The following COL28A1 variants were observed in gnomAD, a reference collection of about 807,000 sequenced individuals.
COL28A1 encodes the protein collagen alpha-1(XXVIII) chain.
Under a neutral mutation model 150.2 loss-of-function variants are expected in COL28A1, and 161 were observed. The observed-to-expected ratio is 1.07, with a 90% CI of 0.94 to 1.22. The LOEUF (loss-of-function observed/expected upper bound fraction) is 1.22. Ranked by LOEUF, COL28A1 falls within the 50% of genes most tolerant of loss-of-function variation. The probability of loss-of-function intolerance (pLI) is 0.00; values close to 1 mark genes in which losing one functional copy is unlikely to be tolerated. For missense variants in COL28A1, 1,617 were observed against 1,388.3 expected, an observed-to-expected ratio of 1.16 and a Z score of -2.62; for synonymous variants, 552 against 469.7, an observed-to-expected ratio of 1.18 and a Z score of -2.26.
chr7:7,513,380 A>G (rs6953055), intron 8 of COL28A1, among the ~76,000 whole-genome samples: 507 of 152,336 alleles, frequency 3.3e-3, no homozygotes, highest in Non-Finnish European at 6.0e-3. Context: ...CATAGGCTGC[A>G]AGTCACTTTC....
At chr7:7,471,710 C>G (rs1788445795) in intron 15 of COL28A1, among the ~76,000 whole-genome samples, 1 of 152,128 alleles carries the variant, frequency 6.6e-6, no homozygotes, top group Admixed American at 6.5e-5. Flanking sequence ...GCCTGGTCAA[C>G]ATGATGAAAC....
At chr7:7,362,565 C>T (rs562335007) in intron 33 of COL28A1, among the ~76,000 whole-genome samples, 20 of 151,966 alleles carry the variant, frequency 1.3e-4, no homozygotes, top group South Asian at 8.3e-4. Flanking sequence ...CTCATGTATG[C>T]GTATTTTTTA....
At chr7:7,376,065 T>C (rs1279533714) in intron 30 of COL28A1, among the ~76,000 whole-genome samples, 1 of 152,184 alleles carries the variant, frequency 6.6e-6, no homozygotes, top group African/African-American at 2.4e-5. Context: ...CCCATGTTCC[T>C]GAACGCCCTT....
intron 14 of COL28A1, among the ~76,000 whole-genome samples, chr7:7,475,801 G>A (rs2128352811): frequency 6.6e-6 from 1 of 152,294 alleles, no homozygotes; most frequent in Non-Finnish European, 1.5e-5. Flanking sequence ...TTTCGGTGAT[G>A]TCATGCCAAG....
chr7:7,517,796 C>T lies in COL28A1; in HGVS notation c.855G>A (p.Gly285=), dbSNP rs773259546. 9.9e-6 allele frequency: 16 copies of T among 1,613,482 alleles called. No homozygotes were observed. The highest frequency in any genetic ancestry group is 1.7e-5 in the Admixed American group (1 of 59,976). Residue 285 remains glycine, a splice_region_variant and synonymous_variant, in exon 7 of 35, where the codon GGG becomes GGA. Transcript: ENST00000399429. ...QKGEAGERGP[G]GIPGYKGDKG... The stretch of plus-strand genomic sequence containing the variant: ...GAAGGCATTCCAGTTGTGTACATAC[C>T]CCTGGACCTCTTTCTCCAGCTTCTC...
At chr7:7,442,193 T>C (rs1352418459) in intron 20 of COL28A1, among the ~76,000 whole-genome samples, 1 of 152,224 alleles carries the variant, frequency 6.6e-6, no homozygotes, top group Non-Finnish European at 1.5e-5. Context: ...ACATTCTTCT[T>C]GCCTTATTGG....
intron 6 of COL28A1, 54 bp from the exon 7 acceptor site, chr7:7,517,891 G>C (rs1781505404): frequency 9.3e-6 from 15 of 1,605,252 alleles, no homozygotes; most frequent in Non-Finnish European, 1.1e-5. Context: ...GTGACTGATT[G>C]CTCAATAAAA....
chr7:7,447,587 T>A (rs1176879764), intron 18 of COL28A1, among the ~76,000 whole-genome samples: 1 of 152,056 alleles, frequency 6.6e-6, no homozygotes, highest in Non-Finnish European at 1.5e-5. Flanking sequence ...ATTATGACTA[T>A]ACTCCATACA....
intron 32 of COL28A1, among the ~76,000 whole-genome samples, chr7:7,371,572 A>T (rs1256823738): frequency 6.6e-6 from 1 of 152,246 alleles, no homozygotes; most frequent in African/African-American, 2.4e-5. Context: ...AGGTGGGTGA[A>T]GGAGGAAGGA....
chr7:7,381,686 C>T, intron 27 of COL28A1, 74 bp from the exon 28 acceptor site: 1 of 987,468 alleles, frequency 1.0e-6, no homozygotes, highest in Non-Finnish European at 1.6e-6. Context: ...GTCAGAAACA[C>T]ACTTACGGTT....
intron 13 of COL28A1, among the ~76,000 whole-genome samples, chr7:7,479,629 A>T (rs1321226029): frequency 6.6e-6 from 1 of 152,232 alleles, no homozygotes; most frequent in Non-Finnish European, 1.5e-5. Context: ...TTATATGCAA[A>T]TTGAAATCTT....
In COL28A1 at chr7:7,370,852, A is replaced by T. The variant is rs1381964248; in HGVS notation, c.2939T>A (p.Ile980Asn). 3 of 1,612,370 alleles carry T rather than the reference A, an allele frequency of 1.9e-6. No individual in the cohort carries two copies. In the South Asian group the frequency reaches 3.3e-5, roughly 18 times the overall value. Residue 980 changes from isoleucine to asparagine, a missense_variant, in exon 33 of 35, where the codon ATT (isoleucine) becomes AAT (asparagine). By Grantham distance (149) the Ile-to-Asn change is moderately radical. Coordinates refer to ENST00000399429, the MANE Select transcript of COL28A1 (RefSeq NM_001037763.3). ...GAGATAGGAATCAAAATCCTCACAA[A>T]TTTTTTGAAACAATTTTTGCTTCAG... ...DTLKQKLFQK[I>N]CEDFDSYLVQ...
chr7:7,422,683 G>A (rs1784440340), intron 25 of COL28A1, among the ~76,000 whole-genome samples: 1 of 151,208 alleles, frequency 6.6e-6, no homozygotes, highest in African/African-American at 2.4e-5. Flanking sequence ...GCCTCCTGCT[G>A]TGATACATTA....
rs1180682123 is a variant in COL28A1 at position 7,373,234 on chromosome 7, G to A, written c.2672C>T (p.Ala891Val). 1.9e-6 allele frequency: 3 copies of A among 1,614,054 alleles called. No homozygotes were observed. The African/African-American group carries it at 4.0e-5, about 22-fold the overall frequency. Residue 891 changes from alanine (A) to valine (V), a missense_variant, in exon 32 of 35, where the codon GCA becomes GTA. Ala to Val is a moderately conservative substitution (Grantham distance 64, BLOSUM62 0). Transcript: ENST00000399429. This position sits in a 1 kb window ranked among gnomAD's most constrained non-coding sequence, Gnocchi z 4.1. Reference protein sequence around the residue: ...LQAANDMFEDARPGVKKVALV... With the variant: ...LQAANDMFEDVRPGVKKVALV... ...GGCCACTTTTTTTACACCTGGCCTT[G>A]CATCTTCAAACATGTCGTTGGCTGC...
intron 6 of COL28A1, among the ~76,000 whole-genome samples, chr7:7,519,347 T>C (rs1315666646): frequency 6.6e-6 from 1 of 152,202 alleles, no homozygotes; most frequent in Non-Finnish European, 1.5e-5. Context: ...CCACCACATG[T>C]GGGAATCATG....
chr7:7,382,179 G>A (rs551997110), intron 27 of COL28A1, among the ~76,000 whole-genome samples: 151 of 152,156 alleles, frequency 9.9e-4, no homozygotes, highest in African/African-American at 3.3e-3. Flanking sequence ...GCATGGTGGT[G>A]CGCACCTGTA....
intron 3 of COL28A1, among the ~76,000 whole-genome samples, chr7:7,528,824 C>A (rs184016733): frequency 1.3e-5 from 2 of 151,940 alleles, no homozygotes; most frequent in African/African-American, 4.8e-5. Context: ...TAGGTGTGTA[C>A]CTATGTCAAA....
At chr7:7,363,532 C>T (rs1780778384) in intron 33 of COL28A1, among the ~76,000 whole-genome samples, 1 of 151,896 alleles carries the variant, frequency 6.6e-6, no homozygotes, top group Non-Finnish European at 1.5e-5. Flanking sequence ...CAAAAGCAAG[C>T]ATGTTAACTG....
At chr7:7,475,951 G>A (rs1241954676) in intron 14 of COL28A1, among the ~76,000 whole-genome samples, 1 of 152,106 alleles carries the variant, frequency 6.6e-6, no homozygotes, top group Non-Finnish European at 1.5e-5. Context: ...ATTTAACCCA[G>A]CAGTCACTCA....
Sources: allele counts gnomAD v4.1 joint callset (sites outside exome capture counted in the v4.1 genomes callset), GRCh38; gene constraint gnomAD v4.1.1; non-coding constraint Gnocchi (gnomAD v3.1); transcripts MANE v1.5; gene names NCBI Gene and HGNC (gene_info 2026-07-23, HGNC 2026-07-21).